SNX9: variants seen among roughly 807,000 people sequenced by gnomAD.
The protein encoded by SNX9 is sorting nexin 9, also known as sorting nexin-9.
A neutral mutation model predicts 89.4 loss-of-function variants in SNX9; 44 were observed. The ratio of observed to expected loss-of-function variants is 0.49; its 90% CI spans 0.39 to 0.63. The LOEUF is 0.63. Ranked by LOEUF, SNX9 falls within the 30% of genes least tolerant of loss-of-function variation. The probability of loss-of-function intolerance (pLI) is 0.00; values close to 1 mark genes in which losing one functional copy is unlikely to be tolerated. For synonymous variants in SNX9, 236 were observed against 247.8 expected (o/e 0.95, Z 0.45); for missense variants, 578 against 736.1 (o/e 0.79, Z 2.49).
chr6:157,869,900 C>T (rs796597789), intron 2 of SNX9, among the ~76,000 whole-genome samples: 1 of 152,218 alleles, frequency 6.6e-6, no homozygotes, highest in African/African-American at 2.4e-5. Flanking sequence ...CACACATGCG[C>T]ACACACCTCG....
intron 1 of SNX9, among the ~76,000 whole-genome samples, chr6:157,853,235 G>T (rs946354804): frequency 6.6e-6 from 1 of 151,838 alleles, no homozygotes; most frequent in Non-Finnish European, 1.5e-5. Context: ...ATTCTAGGTT[G>T]GTAGTTTTTG....
rs544031113 is a variant in SNX9 at position 157,915,840 on chromosome 6, T to G, written c.950-5691T>G. 4.1e-5 allele frequency among the ~76,000 whole-genome samples: 5 copies of G among 121,628 alleles called. No homozygotes were observed. In the South Asian group the frequency reaches 1.3e-3, roughly 32 times the overall value. 79.8% of individuals were successfully genotyped at this position (121,628 alleles called of 152,430 possible). Reference sequence around the variant, plus strand: ...ACTCTGTCAAAAAAAAAAAAAAGATTTATATGTAAGAATTTCATTGGAGAG... The same window carrying G: ...ACTCTGTCAAAAAAAAAAAAAAGATGTATATGTAAGAATTTCATTGGAGAG... On this transcript the variant is annotated intron_variant, in intron 9 of 17. Coordinates refer to ENST00000392185, the MANE Select transcript of SNX9 (RefSeq NM_016224.5).
At chr6:157,828,545 G>A (rs1781424623) in intron 1 of SNX9, among the ~76,000 whole-genome samples, 1 of 152,152 alleles carries the variant, frequency 6.6e-6, no homozygotes, top group African/African-American at 2.4e-5. Flanking sequence ...CCAGGCTGGA[G>A]TGCAGTGGCA....
intron 1 of SNX9, among the ~76,000 whole-genome samples, chr6:157,842,220 G>A (rs1353119912): frequency 6.6e-6 from 1 of 152,178 alleles, no homozygotes; most frequent in African/African-American, 2.4e-5. Context: ...ATAGTATTAA[G>A]GTGAGAACAG....
intron 1 of SNX9, among the ~76,000 whole-genome samples, chr6:157,826,567 A>G (rs948165195): frequency 2.6e-4 from 39 of 149,536 alleles, no homozygotes; most frequent in Non-Finnish European, 4.6e-4. Flanking sequence ...TCTATTTTCT[A>G]TTTCTACTCC....
chr6:157,913,626 C>G (rs1346639031), intron 9 of SNX9, among the ~76,000 whole-genome samples: 1 of 152,226 alleles, frequency 6.6e-6, no homozygotes, highest in African/African-American at 2.4e-5. Context: ...CAGAACAGCT[C>G]CGTCACCTCC....
At chr6:157,840,443 T>TTTCCTTTCCTTCCTTTC (rs1265645065) in intron 1 of SNX9, among the ~76,000 whole-genome samples, 2 of 150,408 alleles carry the variant, frequency 1.3e-5, no homozygotes, top group African/African-American at 4.9e-5. Flanking sequence ...CTTTCCTTTC[T>TTTCCTTTCCTTCCTTTC]TTCCTTTCCT....
chr6:157,921,447 T>C, intron 9 of SNX9, 84 bp from the exon 10 acceptor site: 1 of 1,431,354 alleles, frequency 7.0e-7, no homozygotes, highest in Non-Finnish European at 9.6e-7. Flanking sequence ...CCAGTAGACA[T>C]AGAAATGGTT....
rs183715578 is a variant in SNX9 at position 157,912,968 on chromosome 6, A to G, written c.949+2943A>G. Among the ~76,000 whole-genome samples, 68 of 152,346 alleles carry G rather than the reference A, an allele frequency of 4.5e-4. 1 individual carries two copies. Among genetic ancestry groups the G allele is most frequent in the African/African-American group, 1.6e-3 (65 of 41,590 alleles). On this transcript the variant is annotated intron_variant, in intron 9 of 17. Coordinates refer to ENST00000392185, the MANE Select transcript of SNX9 (RefSeq NM_016224.5). ...TCATAAGCTTAGAGATAAACCAGCT[A>G]TGTCAGAAAAATTTTCACAAGAATA...
intron 9 of SNX9, among the ~76,000 whole-genome samples, chr6:157,910,971 G>A (rs1018139317): frequency 2.4e-4 from 37 of 152,070 alleles, no homozygotes; most frequent in African/African-American, 8.0e-4. Flanking sequence ...AAATTAGCCC[G>A]GTGTGGTGGT....
At chr6:157,828,042 T>A (rs941289712) in intron 1 of SNX9, among the ~76,000 whole-genome samples, 66 of 152,146 alleles carry the variant, frequency 4.3e-4, no homozygotes, top group Admixed American at 4.1e-3. Flanking sequence ...GAAGGCATAC[T>A]TTGTAGCCCC....
chr6:157,847,620 G>A (rs185310849), intron 1 of SNX9, among the ~76,000 whole-genome samples: 61 of 152,260 alleles, frequency 4.0e-4, no homozygotes, highest in Non-Finnish European at 7.2e-4. Context: ...CTGGGAAGGA[G>A]CCAGGCTATG....
At chr6:157,831,546 T>A (rs1781478823) in intron 1 of SNX9, among the ~76,000 whole-genome samples, 1 of 152,170 alleles carries the variant, frequency 6.6e-6, no homozygotes, top group Non-Finnish European at 1.5e-5. Context: ...GCTTGTAGCT[T>A]AATACAGGAC....
chr6:157,898,530 T>C (rs375672243), intron 5 of SNX9, among the ~76,000 whole-genome samples: 1 of 152,222 alleles, frequency 6.6e-6, no homozygotes, highest in Non-Finnish European at 1.5e-5. Flanking sequence ...GAAACGTGTA[T>C]GTGGATGGGA....
At position 157,909,958 on chromosome 6, in the gene SNX9, T is replaced by C; in HGVS notation, c.882T>C (p.Tyr294=). 1 of 1,614,194 alleles carries C rather than the reference T, an allele frequency of 6.2e-7. No individual in the cohort carries two copies. The change falls in exon 9 of 18, where the codon TAT becomes TAC. Residue 294 remains tyrosine (Y), a synonymous_variant. Coordinates refer to ENST00000392185, the MANE Select transcript of SNX9 (RefSeq NM_016224.5). ...GGTATAAGCACTTTGACTGGTTATA[T>C]GAGCGTCTCCTGGTTAAGTTTGGGT... ...NHRYKHFDWL[Y]ERLLVKFGSA... is the part of the protein sequence containing the mutation.
chr6:157,838,320 T>A (rs1781625527), intron 1 of SNX9, among the ~76,000 whole-genome samples: 1 of 151,342 alleles, frequency 6.6e-6, no homozygotes, highest in African/African-American at 2.4e-5. Context: ...ACCAATAATT[T>A]TTTTTTTTTT....
intron 1 of SNX9, among the ~76,000 whole-genome samples, chr6:157,831,593 C>G (rs1004233854): frequency 6.6e-6 from 1 of 152,174 alleles, no homozygotes; most frequent in Admixed American, 6.5e-5. Flanking sequence ...CACACAGTCC[C>G]CAGAGCACAG....
intron 4 of SNX9, among the ~76,000 whole-genome samples, chr6:157,893,309 G>A (rs1445808944): frequency 6.6e-6 from 1 of 152,136 alleles, no homozygotes; most frequent in East Asian, 1.9e-4. Context: ...CAGTCTTGTG[G>A]ATGAAACATC....
chr6:157,937,411 A>G (rs1405212444), intron 14 of SNX9, 23 bp from the exon 15 acceptor site: 1 of 1,549,346 alleles, frequency 6.5e-7, no homozygotes, highest in South Asian at 1.1e-5. Flanking sequence ...TGCCAGTAAC[A>G]ATCAGCTTGT....
Sources: gnomAD v4.1 joint callset for allele counts (sites outside exome capture counted in the v4.1 genomes callset) on GRCh38, gnomAD v4.1.1 for gene constraint, MANE v1.5 for transcripts, NCBI Gene and HGNC (gene_info 2026-07-23, HGNC 2026-07-21) for gene names.